MACO1: variants seen among roughly 807,000 people sequenced by gnomAD.
MACO1 encodes macoilin 1, also known as macoilin.
Under a neutral mutation model 78.7 loss-of-function variants are expected in MACO1, and 14 were observed. The ratio of observed to expected loss-of-function variants is 0.18; its 90% CI spans 0.12 to 0.28. The LOEUF (loss-of-function observed/expected upper bound fraction) is 0.28. MACO1 is among the 10% of genes least tolerant of loss of function. The pLI is 1.00. For missense variants in MACO1, 501 were observed against 799.0 expected, an observed-to-expected ratio of 0.63 and a Z score of 4.50; for synonymous variants, 288 against 291.6, an observed-to-expected ratio of 0.99 and a Z score of 0.12.
At chr1:25,481,228 C>A (rs928894511) in intron 6 of MACO1, among the ~76,000 whole-genome samples, 1 of 151,948 alleles carries the variant, frequency 6.6e-6, no homozygotes, top group Non-Finnish European at 1.5e-5. Context: ...TATGTTTTTC[C>A]CCAGCGACTG....
At chr1:25,436,922 T>A (rs924345026) in intron 1 of MACO1, among the ~76,000 whole-genome samples, 2 of 152,134 alleles carry the variant, frequency 1.3e-5, no homozygotes, top group Non-Finnish European at 2.9e-5. Flanking sequence ...AAATAATGTA[T>A]CCCTCACCCC....
At position 25,448,834 on chromosome 1, in the gene MACO1, A is replaced by G; in HGVS notation, c.249A>G (p.Val83=). 2 of 1,557,236 alleles carry G rather than the reference A, an allele frequency of 1.3e-6. No homozygotes were observed. The highest frequency in any genetic ancestry group is 1.8e-6 in the Non-Finnish European group (2 of 1,141,308). ...CCTTCTCAGTATTTTTTGTTTGTGTAGCATTCACGTCAAATATAATATGCC... is the reference window on the plus strand; with the variant it reads ...CCTTCTCAGTATTTTTTGTTTGTGTGGCATTCACGTCAAATATAATATGCC... ...GLAFSVFFVC[V]AFTSNIICLL... Residue 83 remains valine, a synonymous_variant, in exon 3 of 11, where the codon GTA becomes GTG. Coordinates refer to ENST00000374343, the MANE Select transcript of MACO1 (RefSeq NM_018202.6).
intron 6 of MACO1, among the ~76,000 whole-genome samples, chr1:25,464,900 C>G (rs960528761): frequency 2.6e-5 from 4 of 152,028 alleles, no homozygotes; most frequent in Non-Finnish European, 5.9e-5. Context: ...TCTTGAACTC[C>G]TGACCTCAGG....
At chr1:25,446,620 A>G (rs771012958) in intron 1 of MACO1, 142 bp from the exon 2 acceptor site, 31 of 779,014 alleles carry the variant, frequency 4.0e-5, no homozygotes, top group Non-Finnish European at 5.4e-5. Context: ...CCACGGCAGC[A>G]TCTCTTTTTT....
rs200069876 is a variant in MACO1, at chr1:25,472,209, ATACT to A, written c.1155-11905_1155-11902del. Among the ~76,000 whole-genome samples the A allele has an allele frequency of 9.2e-3, 1,400 of 152,228 alleles. 20 individuals are homozygous for A. The highest frequency in any genetic ancestry group is 0.031 in the African/African-American group (1,281 of 41,522). On this transcript the variant is annotated intron_variant, in intron 6 of 10. Transcript: ENST00000374343. ...CCCACATTAAAAAAATATATATATT[ATACT>A]TTGAGTTCTGGGATACATGTGCATG...
chr1:25,431,328 G>C, intron 1 of MACO1, 150 bp downstream of exon 1: 21 of 266,804 alleles, frequency 7.9e-5, no homozygotes, highest in East Asian at 4.3e-4. Context: ...CCGCTGGCCC[G>C]CCCGCCGGGG....
At chr1:25,475,550 C>CAA (rs1162367298) in intron 6 of MACO1, among the ~76,000 whole-genome samples, 18 of 56,938 alleles carry the variant, frequency 3.2e-4, no homozygotes, top group South Asian at 9.4e-4. Context: ...CCAGGCTCTA[C>CAA]AAAAAAAAAA....
At chr1:25,480,989 G>T (rs71514260) in intron 6 of MACO1, among the ~76,000 whole-genome samples, 125 of 114,988 alleles carry the variant, frequency 1.1e-3, no homozygotes, top group Non-Finnish European at 1.8e-3. Context: ...ATGTTCTTTG[G>T]TCTTCAGAAG....
chr1:25,430,916 A>C lies in MACO1; in HGVS notation c.-183A>C. Reference sequence around the variant, plus strand: ...GGAATTGTCATTTCTTTGTTTCCGAAGGCGGAGGAGGCTCCGAGCCCCCCC... The same window carrying C: ...GGAATTGTCATTTCTTTGTTTCCGACGGCGGAGGAGGCTCCGAGCCCCCCC... On this transcript the variant is annotated 5_prime_UTR_variant, in exon 1 of 11. Transcript: ENST00000374343. The C allele has an allele frequency of 2.1e-6, 1 of 467,250 alleles. No homozygotes were observed. Among genetic ancestry groups the C allele is most frequent in the Non-Finnish European group, 3.8e-6 (1 of 262,854 alleles). The allele number at this position is 467,250 out of a possible 1,614,324, so 28.9% of individuals were successfully genotyped here.
intron 6 of MACO1, among the ~76,000 whole-genome samples, chr1:25,471,888 A>G (rs538128080): frequency 6.6e-6 from 1 of 152,320 alleles, no homozygotes; most frequent in African/African-American, 2.4e-5. Flanking sequence ...GCACTCCGTC[A>G]GTAGTTTTTC....
Position 25,475,454 on chromosome 1 carries a change from G to A in MACO1, c.1155-8662G>A, listed in dbSNP as rs541434896. Among the ~76,000 whole-genome samples, 19 of 151,404 alleles carry A rather than the reference G, an allele frequency of 1.3e-4. No homozygotes were observed. The South Asian group carries it at 2.3e-3, about 18-fold the overall frequency. ...TGGCTGAGCATGGTGGCTCACGCCT[G>A]TAATCTGAACACTTTGAGAGGCCGA... On this transcript the variant is annotated intron_variant, in intron 6 of 10. Transcript: ENST00000374343.
chr1:25,479,226 C>T (rs2043348792), intron 6 of MACO1, among the ~76,000 whole-genome samples: 1 of 152,150 alleles, frequency 6.6e-6, no homozygotes, highest in Admixed American at 6.5e-5. Flanking sequence ...TTTGCATTAA[C>T]CTTTTAACAC....
chr1:25,470,118 C>T (rs1306242831), intron 6 of MACO1, among the ~76,000 whole-genome samples: 2 of 152,096 alleles, frequency 1.3e-5, no homozygotes, highest in Non-Finnish European at 2.9e-5. Context: ...TCAGTGGATT[C>T]AATATGATTT....
At chr1:25,482,146 T>C (rs976038058) in intron 6 of MACO1, among the ~76,000 whole-genome samples, 1 of 152,154 alleles carries the variant, frequency 6.6e-6, no homozygotes, top group Non-Finnish European at 1.5e-5. Flanking sequence ...TGTTGGTATG[T>C]TGAATTAGTG....
At position 25,431,914 on chromosome 1, in the gene MACO1, CTTT is replaced by C. The variant is rs63096061; in HGVS notation, c.80+748_80+750del. On this transcript the variant is annotated intron_variant, in intron 1 of 10. Coordinates refer to ENST00000374343, the MANE Select transcript of MACO1 (RefSeq NM_018202.6). The stretch of plus-strand genomic sequence containing the variant: ...TTTAAAAAGGGATTTTCTCCAAACT[CTTT>C]TTTTTTTTTTTCATCCGCAAGAAAA... 4.9e-4 allele frequency among the ~76,000 whole-genome samples: 73 copies of C among 147,514 alleles called. 3 individuals are homozygous for C. The highest frequency in any genetic ancestry group is 2.8e-3 in the Admixed American group (41 of 14,842).
intron 6 of MACO1, among the ~76,000 whole-genome samples, chr1:25,482,912 CT>C (rs774079209): frequency 4.3e-4 from 65 of 152,210 alleles, no homozygotes; most frequent in Non-Finnish European, 3.1e-4. Context: ...ATTATTCCTT[CT>C]GGCATATATT....
chr1:25,462,066 C>T (rs1344282059), intron 6 of MACO1, among the ~76,000 whole-genome samples: 1 of 152,108 alleles, frequency 6.6e-6, no homozygotes, highest in Non-Finnish European at 1.5e-5. Context: ...AAGATTGTGA[C>T]TGATTCAAAC....
chr1:25,467,236 C>G (rs1188323928), intron 6 of MACO1, among the ~76,000 whole-genome samples: 1 of 152,026 alleles, frequency 6.6e-6, no homozygotes, highest in Non-Finnish European at 1.5e-5. Flanking sequence ...CTAGCCTGGG[C>G]AACAAAGCGA....
intron 1 of MACO1, 72 bp downstream of exon 1, chr1:25,431,250 C>A (rs1161604069): frequency 8.1e-7 from 1 of 1,241,892 alleles, no homozygotes; most frequent in South Asian, 1.4e-5. Flanking sequence ...GGCCTGGCCC[C>A]GTTATGTAAC....
Sources: gnomAD v4.1 joint callset for allele counts (sites outside exome capture counted in the v4.1 genomes callset) on GRCh38, gnomAD v4.1.1 for gene constraint, MANE v1.5 for transcripts, NCBI Gene and HGNC (gene_info 2026-07-23, HGNC 2026-07-21) for gene names.